Variants in CSMD1 observed in about 807,000 individuals in gnomAD.
CSMD1 encodes the protein CUB and Sushi multiple domains 1.
In CSMD1, 213 loss-of-function variants were observed where a neutral mutation model predicts 417.5. The observed-to-expected ratio is 0.51, with a 90% CI of 0.46 to 0.57. The LOEUF (loss-of-function observed/expected upper bound fraction) is 0.57, where lower values mean the gene tolerates loss of function less well. Among genes scored for constraint, CSMD1 ranks in the 20% least tolerant of loss-of-function variants. The probability of loss-of-function intolerance (pLI) is 0.00; values close to 1 mark genes in which losing one functional copy is unlikely to be tolerated. For synonymous variants in CSMD1, 2,862 were observed against 1,736.8 expected (o/e 1.65, Z -16.11); for missense variants, 6,923 against 4,529.7 (o/e 1.53, Z -15.17).
At chr8:4,219,191 G>A (rs1306810498) in intron 3 of CSMD1, among the ~76,000 whole-genome samples, 2 of 152,146 alleles carry the variant, frequency 1.3e-5, no homozygotes, top group African/African-American at 4.8e-5. Flanking sequence ...GTGTTCTGCA[G>A]AATTTCTGCT....
intron 3 of CSMD1, among the ~76,000 whole-genome samples, chr8:4,081,997 A>G (rs1225299559): frequency 4.6e-5 from 7 of 151,990 alleles, no homozygotes; most frequent in Non-Finnish European, 1.0e-4. Flanking sequence ...GTTAATAGGA[A>G]AAAAATATAT....
intron 3 of CSMD1, among the ~76,000 whole-genome samples, chr8:4,112,117 G>A (rs1328980965): frequency 1.3e-5 from 2 of 152,168 alleles, no homozygotes; most frequent in African/African-American, 2.4e-5. Flanking sequence ...TAGCCCACAA[G>A]ATCAGGGGCC....
At chr8:4,032,209 T>A in intron 3 of CSMD1, 110 bp from the exon 4 acceptor site, 1 of 713,160 alleles carries the variant, frequency 1.4e-6, no homozygotes, top group Non-Finnish European at 2.2e-6. Context: ...AGAAAACCTC[T>A]AGCATCAGAA....
intron 10 of CSMD1, among the ~76,000 whole-genome samples, chr8:3,502,191 C>G (rs149130504): frequency 6.6e-6 from 1 of 151,646 alleles, no homozygotes; most frequent in South Asian, 2.1e-4. Context: ...GGTGAAACCC[C>G]GTCTCTACTA....
Position 4,551,077 on chromosome 8 carries a change from T to G in CSMD1, c.302+86265A>C, listed in dbSNP as rs552046385. ...ATTCTCAAAACTAGATTCACTATTT[T>G]GAATGTTTTAAAATAAAATGTGGTT... is the stretch of plus-strand genomic sequence containing the variant. On this transcript the variant is annotated intron_variant, in intron 2 of 69. Coordinates refer to ENST00000635120, the MANE Select transcript of CSMD1 (RefSeq NM_033225.6). 3.6e-4 allele frequency among the ~76,000 whole-genome samples: 55 copies of G among 152,186 alleles called. 2 individuals carry two copies. The highest frequency in any genetic ancestry group is 3.2e-3 in the Middle Eastern group (1 of 316).
intron 10 of CSMD1, among the ~76,000 whole-genome samples, chr8:3,541,138 A>G (rs2117564798): frequency 6.6e-6 from 1 of 152,382 alleles, no homozygotes; most frequent in African/African-American, 2.4e-5. Context: ...CCAAATGTCC[A>G]TCAATGACAG....
At chr8:4,677,286 G>C (rs1401996780) in intron 1 of CSMD1, among the ~76,000 whole-genome samples, 2 of 151,756 alleles carry the variant, frequency 1.3e-5, no homozygotes, top group Non-Finnish European at 2.9e-5. Flanking sequence ...AATGTAGTTA[G>C]AAATTAAAGT....
chr8:4,936,719 T>C (rs114170551), intron 1 of CSMD1, among the ~76,000 whole-genome samples: 2,058 of 152,286 alleles, frequency 0.014, 39 homozygotes, highest in African/African-American at 0.047. Context: ...TAAACATCAA[T>C]GTTAATAGGC....
At chr8:4,573,440 C>T (rs1798981940) in intron 2 of CSMD1, among the ~76,000 whole-genome samples, 1 of 152,130 alleles carries the variant, frequency 6.6e-6, no homozygotes, top group African/African-American at 2.4e-5. Flanking sequence ...CCTGGGGTGT[C>T]ACCAGTGGAG....
At chr8:3,859,415 G>C (rs907587952) in intron 5 of CSMD1, among the ~76,000 whole-genome samples, 1 of 152,124 alleles carries the variant, frequency 6.6e-6, no homozygotes, top group Non-Finnish European at 1.5e-5. Flanking sequence ...TTACAGATGT[G>C]TAGTAAAGAA....
At chr8:4,601,823 T>G (rs992900407) in intron 2 of CSMD1, among the ~76,000 whole-genome samples, 1 of 152,174 alleles carries the variant, frequency 6.6e-6, no homozygotes, top group African/African-American at 2.4e-5. Flanking sequence ...TGAGCATGTC[T>G]GAGGTTAGCG....
intron 7 of CSMD1, among the ~76,000 whole-genome samples, chr8:3,699,482 A>T (rs1585095498): frequency 6.6e-6 from 1 of 152,336 alleles, no homozygotes; most frequent in African/African-American, 2.4e-5. Flanking sequence ...AAGTCCTTTA[A>T]AGAGGACTTG....
chr8:4,360,387 GC>G (rs1238179315), intron 3 of CSMD1, among the ~76,000 whole-genome samples: 3 of 152,124 alleles, frequency 2.0e-5, no homozygotes, highest in Admixed American at 2.0e-4. Context: ...GTAAGTTACT[GC>G]AAACTCCATC....
intron 10 of CSMD1, among the ~76,000 whole-genome samples, chr8:3,510,633 C>T (rs554276137): frequency 1.4e-4 from 21 of 151,740 alleles, no homozygotes; most frequent in Non-Finnish European, 2.5e-4. Flanking sequence ...GAATAACATA[C>T]GATAAAAAAA....
intron 1 of CSMD1, among the ~76,000 whole-genome samples, chr8:4,712,267 C>A (rs148690092): frequency 5.9e-5 from 9 of 152,246 alleles, no homozygotes; most frequent in African/African-American, 1.9e-4. Context: ...GCTGAGGATA[C>A]ATGTAGGTGA....
At chr8:4,119,596 A>AG (rs67238405) in intron 3 of CSMD1, among the ~76,000 whole-genome samples, 150,466 of 152,110 alleles carry the variant, frequency 0.99, 74,445 homozygotes, top group East Asian at 1. Context: ...TCTTCTATCT[A>AG]GGGAGGAGAC....
intron 6 of CSMD1, among the ~76,000 whole-genome samples, chr8:3,711,012 T>G (rs1531743): frequency 9.9e-5 from 15 of 152,072 alleles, no homozygotes; most frequent in Non-Finnish European, 1.9e-4. Context: ...CTTCCCAGTA[T>G]CAAGAGCGGT....
chr8:3,974,576 G>A (rs886419162), intron 5 of CSMD1, among the ~76,000 whole-genome samples: 19 of 151,872 alleles, frequency 1.3e-4, no homozygotes, highest in Non-Finnish European at 8.8e-5. Flanking sequence ...AGAACTAGTG[G>A]CAATCCTTTT....
chr8:4,187,834 G>C (rs534841267), intron 3 of CSMD1, among the ~76,000 whole-genome samples: 1 of 152,176 alleles, frequency 6.6e-6, no homozygotes, highest in East Asian at 1.9e-4. Flanking sequence ...CAGATGACTT[G>C]CTGAGACTAT....
Sources: gnomAD v4.1 joint callset for allele counts (sites outside exome capture counted in the v4.1 genomes callset) on GRCh38, gnomAD v4.1.1 for gene constraint, MANE v1.5 for transcripts, NCBI Gene and HGNC (gene_info 2026-07-23, HGNC 2026-07-21) for gene names.